Variants in CNGA1 observed in about 807,000 individuals in gnomAD.
The protein encoded by CNGA1 is cyclic nucleotide gated channel subunit alpha 1.
A neutral mutation model predicts 69.7 loss-of-function variants in CNGA1; 53 were observed. The ratio of observed to expected loss-of-function variants is 0.76; its 90% CI spans 0.61 to 0.96. CNGA1 has a LOEUF of 0.96. CNGA1 is among the 40% of genes least tolerant of loss of function. The pLI, the probability that CNGA1 is intolerant of heterozygous loss-of-function variation, is 0.00. For synonymous variants in CNGA1, 249 were observed against 283.5 expected, an observed-to-expected ratio of 0.88 and a Z score of 1.22; for missense variants, 739 against 811.2, an observed-to-expected ratio of 0.91 and a Z score of 1.08.
rs1269145016 is a variant in CNGA1 at position 47,994,027 on chromosome 4, T to TGTG, written c.-122-12530_-122-12528dup. 5.9e-5 allele frequency among the ~76,000 whole-genome samples: 9 copies of TGTG among 152,312 alleles called. No homozygotes were observed. In the South Asian group the frequency reaches 1.9e-3, roughly 32 times the overall value. On this transcript the variant is annotated intron_variant, in intron 2 of 10. Transcript: ENST00000514170. ...GAGTTGATTTCCGGTTTTGTTTCAC[T>TGTG]GTGGTCTGAGAGTGCCTGATATAAT... is the stretch of plus-strand genomic sequence containing the variant.
intron 2 of CNGA1, among the ~76,000 whole-genome samples, chr4:47,986,598 G>A (rs1332255766): frequency 6.6e-6 from 1 of 151,978 alleles, no homozygotes; most frequent in Non-Finnish European, 1.5e-5. Flanking sequence ...CTTCATAAAG[G>A]CATAAAATTT....
At chr4:47,980,470 T>G (rs1359367088) in intron 3 of CNGA1, among the ~76,000 whole-genome samples, 2 of 80,226 alleles carry the variant, frequency 2.5e-5, no homozygotes, top group African/African-American at 3.7e-5. Flanking sequence ...TTTTCTTTCT[T>G]TCTTTTTTTT....
intron 3 of CNGA1, among the ~76,000 whole-genome samples, chr4:47,966,937 C>G (rs905944559): frequency 3.9e-5 from 6 of 152,142 alleles, no homozygotes; most frequent in African/African-American, 1.4e-4. Flanking sequence ...CCATTTATAA[C>G]TAGAACTCTT....
At position 47,943,524 on chromosome 4, in the gene CNGA1, C is replaced by G. The variant is rs899981489; in HGVS notation, c.288-112G>C. 2.8e-4 allele frequency: 184 copies of G among 668,750 alleles called. 1 individual carries two copies. Among genetic ancestry groups the G allele is most frequent in the Non-Finnish European group, 5.8e-5 (24 of 414,294 alleles). The allele number at this position is 668,750 out of a possible 1,614,324, so 41.4% of individuals were successfully genotyped here. A position where few individuals can be genotyped will look rare whatever the true frequency, so the allele number is the denominator to read the frequency against. On this transcript the variant is annotated intron_variant, in intron 6 of 10. Transcript: ENST00000514170. ...TTGCATTCAAAGACCTGCTCCAGTG[C>G]TCAAAACCCATCTGGTCTCTTACTG...
chr4:47,948,232 G>T (rs1045375357), intron 6 of CNGA1, among the ~76,000 whole-genome samples: 1 of 151,870 alleles, frequency 6.6e-6, no homozygotes, highest in African/African-American at 2.4e-5. Flanking sequence ...GGATCCAGTG[G>T]TCCTATCATA....
Position 47,951,411 on chromosome 4 carries a change from G to T in CNGA1, c.166C>A (p.Pro56Thr), listed in dbSNP as rs200810027. 6.2e-7 allele frequency: 1 copy of T among 1,613,762 alleles called. No individual in the cohort carries two copies. The highest frequency in any genetic ancestry group is 8.5e-7 in the Non-Finnish European group (1 of 1,179,844). ...TAACTAAAGGAACCCCTTGCATGAG[G>T]GTTTTCATTCTCTGATTCTTCAGAT... ...STSEESENEN[P>T]HARGSFSYKS... The change falls in exon 5 of 11, where the codon CCT (proline) becomes ACT (threonine). Residue 56 changes from proline to threonine, a missense_variant. Physicochemically the swap from Pro to Thr is conservative, Grantham distance 38. Coordinates refer to ENST00000514170, the MANE Select transcript of CNGA1 (RefSeq NM_001379270.1).
chr4:47,992,829 G>A (rs910767195), intron 2 of CNGA1, among the ~76,000 whole-genome samples: 1 of 152,054 alleles, frequency 6.6e-6, no homozygotes, highest in African/African-American at 2.4e-5. Context: ...CTGTGGGTTT[G>A]TCATAGATGG....
intron 2 of CNGA1, among the ~76,000 whole-genome samples, chr4:47,991,272 C>T (rs562292904): frequency 2.0e-5 from 3 of 152,318 alleles, no homozygotes; most frequent in East Asian, 1.9e-4. Context: ...TACATTCCCA[C>T]CAGCAGTGTA....
intron 3 of CNGA1, among the ~76,000 whole-genome samples, chr4:47,971,925 A>ACAT (rs1741072450): frequency 6.6e-6 from 1 of 151,838 alleles, no homozygotes; most frequent in African/African-American, 2.4e-5. Context: ...AACAACAACA[A>ACAT]CAACAACAAA....
chr4:47,980,348 T>C (rs1206804045), intron 3 of CNGA1, among the ~76,000 whole-genome samples: 1 of 152,202 alleles, frequency 6.6e-6, no homozygotes, highest in Non-Finnish European at 1.5e-5. Context: ...AACTTTCCAA[T>C]ATAGAATGAA....
chr4:48,005,702 G>C (rs1487207459), intron 2 of CNGA1, among the ~76,000 whole-genome samples: 1 of 152,154 alleles, frequency 6.6e-6, no homozygotes. Flanking sequence ...TACAGGGACT[G>C]TATAGACAAA....
intron 2 of CNGA1, among the ~76,000 whole-genome samples, chr4:48,003,270 A>C (rs144485360): frequency 9.8e-4 from 149 of 152,324 alleles, no homozygotes; most frequent in African/African-American, 3.4e-3. Flanking sequence ...AAATAGTTGC[A>C]TTATTTTGAG....
chr4:47,977,808 T>G lies in CNGA1; in HGVS notation c.-15+3585A>C, dbSNP rs189827963. Among the ~76,000 whole-genome samples the G allele has an allele frequency of 1.0e-4, 15 of 148,090 alleles. No homozygotes were observed. In the East Asian group the frequency reaches 3.0e-3, roughly 29 times the overall value. On this transcript the variant is annotated intron_variant, in intron 3 of 10. Transcript: ENST00000514170. ...AAAGTATACATCTACACTCATCACT[T>G]TAATGACTGCATTTAAGTGATTTTT...
chr4:47,940,709 A>C, intron 10 of CNGA1, 54 bp downstream of exon 10: 1 of 1,158,756 alleles, frequency 8.6e-7, no homozygotes, highest in South Asian at 1.3e-5. Flanking sequence ...TCAAATTACA[A>C]TGCTAGAGAT....
intron 2 of CNGA1, among the ~76,000 whole-genome samples, chr4:47,991,556 C>T (rs911471339): frequency 3.3e-5 from 5 of 152,114 alleles, no homozygotes; most frequent in Admixed American, 3.3e-4. Flanking sequence ...ATTGTAGATT[C>T]TGGATATTAG....
intron 3 of CNGA1, among the ~76,000 whole-genome samples, chr4:47,968,685 T>A (rs1740856304): frequency 6.6e-6 from 1 of 152,234 alleles, no homozygotes; most frequent in East Asian, 1.9e-4. Flanking sequence ...GGAGAGTCTC[T>A]CTGTTGGAAG....
chr4:47,972,608 C>T (rs1741102256), intron 3 of CNGA1, among the ~76,000 whole-genome samples: 1 of 152,174 alleles, frequency 6.6e-6, no homozygotes, highest in South Asian at 2.1e-4. Flanking sequence ...TTCACATTTA[C>T]TAGTGAAGTT....
Position 48,007,259 on chromosome 4 carries a change from T to C in CNGA1, c.-123+3535A>G, listed in dbSNP as rs550247576. On this transcript the variant is annotated intron_variant, in intron 2 of 10. Transcript: ENST00000514170. The stretch of plus-strand genomic sequence containing the variant: ...TAACCTTTATTAAGGAGTTGGTTAA[T>C]GCTTCAAGAAAATCTTGTTAATCTG... Among the ~76,000 whole-genome samples, 12 of 152,348 alleles carry C rather than the reference T, an allele frequency of 7.9e-5. No homozygotes were observed. In the South Asian group the frequency reaches 8.3e-4, roughly 11 times the overall value.
intron 4 of CNGA1, 118 bp downstream of exon 4, chr4:47,952,465 G>T: frequency 1.1e-6 from 1 of 905,760 alleles, no homozygotes; most frequent in Non-Finnish European, 1.7e-6. Context: ...AAATAAATTT[G>T]CTAAATACAT....
Sources: allele counts gnomAD v4.1 joint callset (sites outside exome capture counted in the v4.1 genomes callset), GRCh38; gene constraint gnomAD v4.1.1; transcripts MANE v1.5; gene names NCBI Gene and HGNC (gene_info 2026-07-23, HGNC 2026-07-21).